EED: variants seen among roughly 807,000 people sequenced by gnomAD.
The protein encoded by EED is embryonic ectoderm development, also known as polycomb protein EED.
In EED, 9 loss-of-function variants were observed where a neutral mutation model predicts 61.0. The ratio of observed to expected loss-of-function variants is 0.15; its 90% confidence interval spans 0.09 to 0.26. The LOEUF (loss-of-function observed/expected upper bound fraction) is 0.26. Among genes scored for constraint, EED ranks in the 10% least tolerant of loss-of-function variants. The probability of loss-of-function intolerance (pLI) is 1.00; values close to 1 mark genes in which losing one functional copy is unlikely to be tolerated. For missense variants in EED, 315 were observed against 542.3 expected, an observed-to-expected ratio of 0.58 and a Z score of 4.16; for synonymous variants, 187 against 174.4, an observed-to-expected ratio of 1.07 and a Z score of -0.57.
rs1022101868 is a variant in EED, at chr11:86,277,989, C to A, written c.1197C>A (p.Ala399=). ...TAGAAGTAGAAGATCCTCATAAAGC[C>A]AAGTAAGTATTTAGAAATTTCTGTT... ...WDLEVEDPHK[A]KCTTLTHHKC... The change falls in exon 11 of 12, where the codon GCC becomes GCA. Residue 399 remains alanine, a splice_region_variant and synonymous_variant. Transcript: ENST00000263360. 6.5e-7 allele frequency: 1 copy of A among 1,529,666 alleles called. No homozygotes were observed. Among genetic ancestry groups the A allele is most frequent in the Non-Finnish European group, 8.7e-7 (1 of 1,147,252 alleles). The allele number at this position is 1,529,666 out of a possible 1,614,324, so 94.8% of individuals were successfully genotyped here.
At chr11:86,260,402 A>AT (rs1945796475) in intron 6 of EED, among the ~76,000 whole-genome samples, 4 of 73,766 alleles carry the variant, frequency 5.4e-5, no homozygotes, top group Non-Finnish European at 1.5e-4. Context: ...AATTTTTAAA[A>AT]ATTTTTTGTA....
At position 86,268,594 on chromosome 11, in the gene EED, C is replaced by CGTGTGTGT. The variant is rs71040225; in HGVS notation, c.966+58_966+65dup. ...AACTGCAGTTAAGCTGTACTTCCAT[C>CGTGTGTGT]GTGTGTGTGTGTGTGTGTGTGTGTG... is the stretch of plus-strand genomic sequence containing the variant. On this transcript the variant is annotated intron_variant, in intron 9 of 11. Transcript: ENST00000263360. The CGTGTGTGT allele has an allele frequency of 0.17, 136,544 of 812,302 alleles. 6,407 individuals carry two copies. The highest frequency in any genetic ancestry group is 0.19 in the Middle Eastern group (673 of 3,622). 50.3% of individuals were successfully genotyped at this position (812,302 alleles called of 1,614,324 possible). A position where few individuals can be genotyped will look rare whatever the true frequency, so the allele number is the denominator to read the frequency against.
chr11:86,245,307 C>G lies in EED; in HGVS notation c.78C>G (p.Asp26Glu). The G allele has an allele frequency of 6.2e-7, 1 of 1,613,366 alleles. No homozygotes were observed. The highest frequency in any genetic ancestry group is 8.5e-7 in the Non-Finnish European group (1 of 1,179,904). The change falls in exon 1 of 12, where the codon GAC becomes GAG. Residue 26 changes from aspartate (D) to glutamate (E), a missense_variant. By Grantham distance (45) the Asp-to-Glu change is conservative (BLOSUM62 2). Transcript: ENST00000263360. ...PAAKKQKLSS[D>E]ENSNPDLSGD... Reference sequence around the variant, plus strand: ...CCAAGAAGCAGAAGCTGAGCAGTGACGAGAACAGCAATCCAGACCTCTCTG... The same window carrying G: ...CCAAGAAGCAGAAGCTGAGCAGTGAGGAGAACAGCAATCCAGACCTCTCTG...
intron 4 of EED, 136 bp from the exon 5 acceptor site, chr11:86,256,251 T>A: frequency 1.4e-6 from 1 of 733,294 alleles, no homozygotes; most frequent in Admixed American, 3.4e-5. Context: ...ATCACCATTG[T>A]ATATATTTGG....
At position 86,245,250 on chromosome 11, in the gene EED, G is replaced by C. The variant is rs1191418992; in HGVS notation, c.21G>C (p.Ser7=). The part of the protein sequence containing the change: MSEREV[S]TAPAGTDMPA... ...GGAATATGTCCGAGAGGGAAGTGTC[G>C]ACTGCGCCGGCGGGAACAGACATGC... The change falls in exon 1 of 12, where the codon TCG becomes TCC. Residue 7 remains serine, a synonymous_variant. Transcript: ENST00000263360. The C allele has an allele frequency of 6.2e-6, 10 of 1,613,246 alleles. No homozygotes were observed. The highest frequency in any genetic ancestry group is 8.5e-6 in the Non-Finnish European group (10 of 1,179,902).
At chr11:86,249,085 G>A (rs867636886) in intron 1 of EED, among the ~76,000 whole-genome samples, 1 of 152,128 alleles carries the variant, frequency 6.6e-6, no homozygotes, top group African/African-American at 2.4e-5. Flanking sequence ...ATAATGCATA[G>A]TTTTCCACTG....
chr11:86,245,210 C>T lies in EED; in HGVS notation c.-20C>T, dbSNP rs201659439. ...AGGCCCCGCCCCAGGCGGCAGGAACCTGGAGGGAGGCGGAGGAATATGTCC... is the reference window on the plus strand; with the variant it reads ...AGGCCCCGCCCCAGGCGGCAGGAACTTGGAGGGAGGCGGAGGAATATGTCC... On this transcript the variant is annotated 5_prime_UTR_variant, in exon 1 of 12. Coordinates refer to ENST00000263360, the MANE Select transcript of EED (RefSeq NM_003797.5). 339 of 1,606,470 alleles carry T rather than the reference C, an allele frequency of 2.1e-4. No homozygotes were observed. Among genetic ancestry groups the T allele is most frequent in the East Asian group, 4.1e-4 (18 of 44,090 alleles).
intron 6 of EED, among the ~76,000 whole-genome samples, chr11:86,261,441 AGC>A (rs1565696375): frequency 6.6e-6 from 1 of 152,206 alleles, no homozygotes; most frequent in African/African-American, 2.4e-5. Context: ...CAGCCCACAT[AGC>A]ATCTTATGAG....
chr11:86,272,217 C>A (rs1418775195), intron 9 of EED, among the ~76,000 whole-genome samples: 2 of 148,242 alleles, frequency 1.3e-5, no homozygotes. Context: ...GCCACCACAC[C>A]CGGCTAATTT....
chr11:86,251,855 T>C (rs1945539286), intron 2 of EED, among the ~76,000 whole-genome samples: 1 of 152,216 alleles, frequency 6.6e-6, no homozygotes. Context: ...CAGAATATGA[T>C]TGGCTTATTA....
In EED at chr11:86,257,183, ATTTGTG is replaced by A. The variant is rs1484979292; in HGVS notation, c.553-330_553-325del. 2.4e-3 allele frequency among the ~76,000 whole-genome samples: 252 copies of A among 107,006 alleles called. 1 individual carries two copies. Among genetic ancestry groups the A allele is most frequent in the African/African-American group, 8.8e-3 (248 of 28,184 alleles). The allele number at this position is 107,006 out of a possible 152,430, so 70.2% of individuals were successfully genotyped here. On this transcript the variant is annotated intron_variant, in intron 5 of 11. Transcript: ENST00000263360. ...CTCAAGTAGCTGGGGCCAATTTTTA[ATTTGTG>A]TGTGTGTGTGTGTGTGTGTGTGTGT...
intron 9 of EED, among the ~76,000 whole-genome samples, chr11:86,270,615 T>C (rs1344033677): frequency 6.6e-6 from 1 of 152,186 alleles, no homozygotes; most frequent in Non-Finnish European, 1.5e-5. Context: ...CCTTAAAGAT[T>C]TTCTCCTGTG....
rs888115414 is a variant in EED at position 86,276,924 on chromosome 11, T to C, written c.967-56T>C. 1.5e-5 allele frequency: 21 copies of C among 1,390,402 alleles called. No individual in the cohort carries two copies. In the African/African-American group the frequency reaches 2.7e-4, roughly 18 times the overall value. 86.1% of individuals were successfully genotyped at this position (1,390,402 alleles called of 1,614,324 possible). A position where few individuals can be genotyped will look rare whatever the true frequency, so the allele number is the denominator to read the frequency against. On this transcript the variant is annotated intron_variant, in intron 9 of 11. Transcript: ENST00000263360. The stretch of plus-strand genomic sequence containing the variant: ...CAATAGAAAAGCCTTGTTTTTACTT[T>C]GTAAGATTCAGTTCCTCATTAACAT...
intron 2 of EED, among the ~76,000 whole-genome samples, chr11:86,250,950 A>G (rs957332162): frequency 3.6e-4 from 54 of 152,024 alleles, no homozygotes; most frequent in African/African-American, 1.1e-3. Context: ...ATATTTAGGG[A>G]AAAGGGGGTT....
At chr11:86,258,611 A>G (rs1285766935) in intron 6 of EED, among the ~76,000 whole-genome samples, 2 of 145,438 alleles carry the variant, frequency 1.4e-5, no homozygotes, top group Non-Finnish European at 3.0e-5. Flanking sequence ...GCTGGAGCGC[A>G]ATGGTGCAAT....
At chr11:86,281,521 TGTTG>T (rs1383219875), downstream of EED, among the ~76,000 whole-genome samples, 1 of 152,206 alleles carries the variant, frequency 6.6e-6, no homozygotes, top group Non-Finnish European at 1.5e-5. Context: ...AGGTTTAGGT[TGTTG>T]GTTTGCGATC....
At chr11:86,274,049 C>G (rs1158274189) in intron 9 of EED, among the ~76,000 whole-genome samples, 1 of 150,174 alleles carries the variant, frequency 6.7e-6, no homozygotes, top group Non-Finnish European at 1.5e-5. Context: ...TTTTGGGACT[C>G]TGATTATATG....
At chr11:86,247,808 T>C (rs1009352166) in intron 1 of EED, among the ~76,000 whole-genome samples, 2 of 152,166 alleles carry the variant, frequency 1.3e-5, no homozygotes, top group Non-Finnish European at 2.9e-5. Flanking sequence ...AGATGGGGTG[T>C]GGGGGAATAT....
At chr11:86,261,815 G>A (rs1156789280) in intron 6 of EED, among the ~76,000 whole-genome samples, 2 of 152,182 alleles carry the variant, frequency 1.3e-5, no homozygotes, top group South Asian at 2.1e-4. Context: ...TTGGAATAGG[G>A]GGAGCAAAGT....
Sources: allele counts gnomAD v4.1 joint callset (sites outside exome capture counted in the v4.1 genomes callset), GRCh38; gene constraint gnomAD v4.1.1; transcripts MANE v1.5; gene names NCBI Gene and HGNC (gene_info 2026-07-23, HGNC 2026-07-21).